FDX1: variants seen among roughly 807,000 people sequenced by gnomAD.
The protein encoded by FDX1 is ferredoxin 1.
Under a neutral mutation model 14.9 loss-of-function variants are expected in FDX1, and 9 were observed. That is an observed-to-expected ratio of 0.60 (90% CI 0.36 to 1.05). The LOEUF (loss-of-function observed/expected upper bound fraction) is 1.05. FDX1 is among the 50% of genes least tolerant of loss of function. The pLI, the probability that FDX1 is intolerant of heterozygous loss-of-function variation, is 0.01. For synonymous variants in FDX1, 92 were observed against 99.4 expected (o/e 0.93, Z 0.44); for missense variants, 204 against 237.2 (o/e 0.86, Z 0.92).
chr11:110,431,307 C>A (rs1266799979), intron 1 of FDX1, among the ~76,000 whole-genome samples: 1 of 152,158 alleles, frequency 6.6e-6, no homozygotes, highest in African/African-American at 2.4e-5. Context: ...AACATGGTGG[C>A]GATTTATATA....
intron 2 of FDX1, among the ~76,000 whole-genome samples, chr11:110,448,179 A>G (rs879485184): frequency 3.9e-5 from 6 of 152,040 alleles, no homozygotes; most frequent in Admixed American, 1.3e-4. Context: ...TTTTTCTTCA[A>G]TATTACCTGT....
chr11:110,450,945 A>C (rs928289218), intron 2 of FDX1, among the ~76,000 whole-genome samples: 19 of 152,298 alleles, frequency 1.2e-4, no homozygotes, highest in African/African-American at 4.3e-4. Context: ...TGTATATAAT[A>C]AGTTATATAA....
intron 2 of FDX1, among the ~76,000 whole-genome samples, chr11:110,444,099 C>G (rs1228387769): frequency 6.6e-6 from 1 of 151,988 alleles, no homozygotes; most frequent in Non-Finnish European, 1.5e-5. Context: ...GCTTTTGTTG[C>G]AATTGCTTTT....
chr11:110,446,608 G>C (rs921196759), intron 2 of FDX1, among the ~76,000 whole-genome samples: 1 of 152,120 alleles, frequency 6.6e-6, no homozygotes, highest in East Asian at 1.9e-4. Context: ...TCCTACCTCA[G>C]TAATGAGCAC....
chr11:110,444,720 ATACGTATATATATATATATATATACACG>A lies in FDX1; in HGVS notation c.310+8765_310+8792del, dbSNP rs1565381998. The stretch of plus-strand genomic sequence containing the variant: ...TATATATATACGTATATATATATAT[ATACGTATATATATATATATATATACACG>A]TATATATATATATATATATTTGCAG... On this transcript the variant is annotated intron_variant, in intron 2 of 3. Transcript: ENST00000260270. Among the ~76,000 whole-genome samples the A allele has an allele frequency of 9.7e-3, 617 of 63,360 alleles. 33 individuals are homozygous for A. The highest frequency in any genetic ancestry group is 0.056 in the East Asian group (102 of 1,808). The allele number at this position is 63,360 out of a possible 152,430, so 41.6% of individuals were successfully genotyped here.
chr11:110,449,883 C>T (rs958434447), intron 2 of FDX1, among the ~76,000 whole-genome samples: 7 of 152,222 alleles, frequency 4.6e-5, no homozygotes, highest in Admixed American at 2.6e-4. Flanking sequence ...CTGCCTCGGC[C>T]TCCCAAAGTA....
In FDX1 at chr11:110,437,460, G is replaced by T. The variant is rs147669819; in HGVS notation, c.310+1502G>T. 3.0e-4 allele frequency among the ~76,000 whole-genome samples: 45 copies of T among 152,146 alleles called. No individual in the cohort carries two copies. In the East Asian group the frequency reaches 8.3e-3, roughly 28 times the overall value. ...GTCTCATGGAAATTAAGTTTCCCTG[G>T]TTATACATGCAGCAAGTGAGAGGGC... On this transcript the variant is annotated intron_variant, in intron 2 of 3. Transcript: ENST00000260270.
At chr11:110,431,440 C>T (rs2134563805) in intron 1 of FDX1, among the ~76,000 whole-genome samples, 1 of 152,200 alleles carries the variant, frequency 6.6e-6, no homozygotes, top group South Asian at 2.1e-4. Context: ...TCTCTGAGAG[C>T]AGGGTCTAAG....
chr11:110,454,718 A>G (rs1165172956), intron 2 of FDX1, among the ~76,000 whole-genome samples: 1 of 152,194 alleles, frequency 6.6e-6, no homozygotes, highest in Non-Finnish European at 1.5e-5. Flanking sequence ...GCCAGTATAT[A>G]TATTCATATA....
chr11:110,436,035 T>TGAA, intron 2 of FDX1, 77 bp downstream of exon 2: 1 of 1,320,306 alleles, frequency 7.6e-7, no homozygotes, highest in South Asian at 1.3e-5. Context: ...TTTTTTTTTT[T>TGAA]GAAGAAGTTT....
At chr11:110,444,634 G>A (rs539002003) in intron 2 of FDX1, among the ~76,000 whole-genome samples, 1,829 of 57,468 alleles carry the variant, frequency 0.032, 97 homozygotes, top group African/African-American at 0.12. Context: ...GAAAATATAT[G>A]TGTGTGTGTG....
rs1221649330 is a variant in FDX1 at position 110,436,571 on chromosome 11, TCCCCCACCCACCG to T, written c.310+623_310+635del. Reference sequence around the variant, plus strand: ...GGAAATGCAGATTCTCAGACACTCCTCCCCCACCCACCGCCCCCACCCCCGCCCCAGACTTACT... The same window carrying T: ...GGAAATGCAGATTCTCAGACACTCCTCCCCCACCCCCGCCCCAGACTTACT... On this transcript the variant is annotated intron_variant, in intron 2 of 3. Transcript: ENST00000260270. Among the ~76,000 whole-genome samples, 14 of 141,974 alleles carry T rather than the reference TCCCCCACCCACCG, an allele frequency of 9.9e-5. No individual in the cohort carries two copies. In the East Asian group the frequency reaches 1.3e-3, roughly 13 times the overall value. 93.1% of individuals were successfully genotyped at this position (141,974 alleles called of 152,430 possible). A position where few individuals can be genotyped will look rare whatever the true frequency, so the allele number is the denominator to read the frequency against.
Position 110,435,936 on chromosome 11 carries a change from T to C in FDX1, c.288T>C (p.Asn96=). Residue 96 remains asparagine, a synonymous_variant, in exon 2 of 4, where the codon AAT becomes AAC. Coordinates refer to ENST00000260270, the MANE Select transcript of FDX1 (RefSeq NM_004109.5). ...CTCTGCTAGATGTTGTGGTTGAAAA[T>C]AATCTAGATATTGATGGCTTTGGTG... is the stretch of plus-strand genomic sequence containing the variant. The part of the protein sequence containing the change: ...GDSLLDVVVE[N]NLDIDGFGAC... 6.2e-7 allele frequency: 1 copy of C among 1,612,054 alleles called. No homozygotes were observed. The highest frequency in any genetic ancestry group is 8.5e-7 in the Non-Finnish European group (1 of 1,179,180).
At chr11:110,431,633 T>C (rs1383129156) in intron 1 of FDX1, among the ~76,000 whole-genome samples, 1 of 152,360 alleles carries the variant, frequency 6.6e-6, no homozygotes, top group East Asian at 1.9e-4. Flanking sequence ...ATACAATGGA[T>C]GAGTTTTGGA....
At chr11:110,431,501 T>C (rs1188074069) in intron 1 of FDX1, among the ~76,000 whole-genome samples, 1 of 152,232 alleles carries the variant, frequency 6.6e-6, no homozygotes, top group Non-Finnish European at 1.5e-5. Flanking sequence ...GGGTGCTCCA[T>C]ACATTTTTGT....
chr11:110,430,652 T>G (rs1946324633), intron 1 of FDX1, among the ~76,000 whole-genome samples: 1 of 152,172 alleles, frequency 6.6e-6, no homozygotes, highest in South Asian at 2.1e-4. Context: ...TTGTCTGGGA[T>G]CTGACCTTTG....
Position 110,433,677 on chromosome 11 carries a change from G to A in FDX1, c.186-2157G>A, listed in dbSNP as rs1946346405. ...AATATGTGGGAATACTAGTTTTAAA[G>A]CATGTTTTGGCTGTGAAAAGAAGTT... On this transcript the variant is annotated intron_variant, in intron 1 of 3. Transcript: ENST00000260270. Among the ~76,000 whole-genome samples, 4 of 152,184 alleles carry A rather than the reference G, an allele frequency of 2.6e-5. No homozygotes were observed. In the South Asian group the frequency reaches 8.3e-4, roughly 32 times the overall value.
rs1946561845 is a variant in FDX1 at position 110,462,404 on chromosome 11, C to T, written c.491C>T (p.Thr164Ile). ...ICLTKSMDNM[T>I]VRVPETVADA... is the part of the protein sequence containing the mutation. The stretch of plus-strand genomic sequence containing the variant: ...TTGACAAAATCTATGGACAATATGA[C>T]TGTTCGAGTGCCTGAAACAGTGGCT... Residue 164 changes from threonine (T) to isoleucine (I), a missense_variant, in exon 4 of 4, where the codon ACT (threonine) becomes ATT (isoleucine). Coordinates refer to ENST00000260270, the MANE Select transcript of FDX1 (RefSeq NM_004109.5). The T allele has an allele frequency of 9.9e-6, 16 of 1,612,582 alleles. No individual in the cohort carries two copies. The highest frequency in any genetic ancestry group is 1.3e-5 in the African/African-American group (1 of 75,032).
In FDX1 at chr11:110,435,848, T is replaced by C; in HGVS notation, c.200T>C (p.Ile67Thr). ...TTTTTTTCCAGCTCAGAAGATAAAA[T>C]AACAGTCCACTTTATAAACCGTGAT... ...ARARSSSEDK[I>T]TVHFINRDGE... The change falls in exon 2 of 4, where the codon ATA becomes ACA. Residue 67 changes from isoleucine to threonine, a missense_variant. Physicochemically the swap from Ile to Thr is moderately conservative, Grantham distance 89. Coordinates refer to ENST00000260270, the MANE Select transcript of FDX1 (RefSeq NM_004109.5). 2 of 1,602,528 alleles carry C rather than the reference T, an allele frequency of 1.2e-6. No homozygotes were observed. Among genetic ancestry groups the C allele is most frequent in the South Asian group, 2.3e-5 (2 of 88,358 alleles).
Sources: gnomAD v4.1 joint callset for allele counts (sites outside exome capture counted in the v4.1 genomes callset) on GRCh38, gnomAD v4.1.1 for gene constraint, MANE v1.5 for transcripts, NCBI Gene and HGNC (gene_info 2026-07-23, HGNC 2026-07-21) for gene names.